Variants in CDH2 observed in about 807,000 individuals in gnomAD.
The protein encoded by CDH2 is cadherin 2.
In CDH2, 17 loss-of-function variants were observed where a neutral mutation model predicts 92.0. The ratio of observed to expected loss-of-function variants is 0.18; its 90% CI spans 0.13 to 0.28. CDH2 has a LOEUF of 0.28. Ranked by LOEUF, CDH2 falls within the 10% of genes least tolerant of loss-of-function variation. The probability of loss-of-function intolerance (pLI) is 1.00; values close to 1 mark genes in which losing one functional copy is unlikely to be tolerated. For missense variants in CDH2, 862 were observed against 1,133.1 expected (o/e 0.76, Z 3.44); for synonymous variants, 419 against 415.9 (o/e 1.01, Z -0.09).
intron 2 of CDH2, among the ~76,000 whole-genome samples, chr18:28,109,332 A>G (rs1402498426): frequency 3.3e-5 from 5 of 152,318 alleles, no homozygotes; most frequent in East Asian, 1.9e-4. Flanking sequence ...TTTGCAAAGA[A>G]GTGGCAAAAC....
At chr18:28,059,336 A>C (rs1165655401) in intron 2 of CDH2, among the ~76,000 whole-genome samples, 1 of 152,238 alleles carries the variant, frequency 6.6e-6, no homozygotes, top group Admixed American at 6.5e-5. Flanking sequence ...CTGACCAAAA[A>C]GGGGGAAATA....
intron 6 of CDH2, among the ~76,000 whole-genome samples, chr18:27,937,892 T>G (rs531713669): frequency 8.6e-5 from 13 of 151,820 alleles, no homozygotes; most frequent in Admixed American, 3.3e-4. Context: ...ACCAAAATAT[T>G]TTTTTAACTT....
chr18:27,957,548 G>A (rs1042795433), intron 15 of CDH2, among the ~76,000 whole-genome samples: 7 of 151,882 alleles, frequency 4.6e-5, no homozygotes, highest in South Asian at 2.1e-4. Context: ...TGCTGTGCCC[G>A]GCCTCATCTA....
At chr18:28,075,162 T>C (rs1293320040) in intron 2 of CDH2, among the ~76,000 whole-genome samples, 1 of 152,184 alleles carries the variant, frequency 6.6e-6, no homozygotes, top group Non-Finnish European at 1.5e-5. Context: ...AAGACACAAA[T>C]AGTTCTCTGA....
At chr18:27,978,157 T>G (rs1159407683) in intron 14 of CDH2, among the ~76,000 whole-genome samples, 1 of 152,196 alleles carries the variant, frequency 6.6e-6, no homozygotes, top group Non-Finnish European at 1.5e-5. Flanking sequence ...ATTTAGAAAG[T>G]GGAGTACTTG....
intron 2 of CDH2, among the ~76,000 whole-genome samples, chr18:28,137,431 G>C (rs2015881085): frequency 6.6e-6 from 1 of 152,094 alleles, no homozygotes; most frequent in African/African-American, 2.4e-5. Flanking sequence ...AAAAATAATA[G>C]ATCAAGCTGT....
chr18:28,091,824 C>T (rs958667699), intron 2 of CDH2, among the ~76,000 whole-genome samples: 9 of 152,108 alleles, frequency 5.9e-5, no homozygotes, highest in Admixed American at 5.2e-4. Flanking sequence ...CCCCACCCCA[C>T]CACCGCCATT....
intron 7 of CDH2, among the ~76,000 whole-genome samples, chr18:27,995,689 C>G (rs994233171): frequency 2.0e-5 from 3 of 152,122 alleles, no homozygotes; most frequent in African/African-American, 4.8e-5. Context: ...TTCCATTGAT[C>G]TGCAATATTG....
intron 2 of CDH2, among the ~76,000 whole-genome samples, chr18:28,102,759 A>G (rs908295605): frequency 3.9e-5 from 6 of 152,058 alleles, no homozygotes; most frequent in African/African-American, 1.4e-4. Flanking sequence ...GAAAGGTGGC[A>G]AGGGGTGGGC....
intron 14 of CDH2, among the ~76,000 whole-genome samples, chr18:27,966,705 A>AAT (rs2011541956): frequency 6.6e-6 from 1 of 152,342 alleles, no homozygotes; most frequent in South Asian, 2.1e-4. Flanking sequence ...TTCATAGATG[A>AAT]ATGTGTATAT....
At chr18:28,109,273 T>G (rs2015372336) in intron 2 of CDH2, among the ~76,000 whole-genome samples, 2 of 152,238 alleles carry the variant, frequency 1.3e-5, no homozygotes. Context: ...AAGCTTTTTC[T>G]GTTTAAAACA....
At chr18:28,079,010 G>C (rs1316316707) in intron 2 of CDH2, among the ~76,000 whole-genome samples, 1 of 152,118 alleles carries the variant, frequency 6.6e-6, no homozygotes, top group Admixed American at 6.6e-5. Context: ...TGGGCTGTTG[G>C]TTCCTTAAGT....
intron 1 of CDH2, among the ~76,000 whole-genome samples, chr18:28,175,021 T>A (rs1453851380): frequency 6.6e-6 from 1 of 152,214 alleles, no homozygotes; most frequent in Non-Finnish European, 1.5e-5. Flanking sequence ...CCATTTAACT[T>A]CAAATACTTT....
At chr18:27,972,395 T>C (rs974564540) in intron 14 of CDH2, among the ~76,000 whole-genome samples, 4 of 152,192 alleles carry the variant, frequency 2.6e-5, no homozygotes, top group Non-Finnish European at 5.9e-5. Context: ...ATCTATCATA[T>C]GACCTCTATC....
chr18:28,102,360 T>C (rs2015240801), intron 2 of CDH2, among the ~76,000 whole-genome samples: 1 of 151,966 alleles, frequency 6.6e-6, no homozygotes, highest in Non-Finnish European at 1.5e-5. Flanking sequence ...AGTGAGGGTA[T>C]TCTGACCCAT....
At chr18:28,141,731 A>G (rs534276849) in intron 2 of CDH2, among the ~76,000 whole-genome samples, 1 of 152,092 alleles carries the variant, frequency 6.6e-6, no homozygotes, top group South Asian at 2.1e-4. Context: ...CCTCTACTGA[A>G]AGCCTTCCAA....
intron 2 of CDH2, among the ~76,000 whole-genome samples, chr18:28,063,719 T>C (rs1208379204): frequency 1.3e-5 from 2 of 152,186 alleles, no homozygotes; most frequent in Non-Finnish European, 2.9e-5. Context: ...ACAAATTTTC[T>C]TGGTTAGGAC....
At chr18:27,997,693 T>A (rs1367387167) in intron 7 of CDH2, among the ~76,000 whole-genome samples, 1 of 152,070 alleles carries the variant, frequency 6.6e-6, no homozygotes, top group Non-Finnish European at 1.5e-5. Context: ...TCATCATAAA[T>A]CACGGGTTTC....
chr18:27,999,950 G>C (rs998608540), intron 7 of CDH2, among the ~76,000 whole-genome samples: 1 of 151,950 alleles, frequency 6.6e-6, no homozygotes, highest in African/African-American at 2.4e-5. Flanking sequence ...CATTTCCCCT[G>C]CTTGCACTCT....
Sources: gnomAD v4.1 joint callset for allele counts (sites outside exome capture counted in the v4.1 genomes callset) on GRCh38, gnomAD v4.1.1 for gene constraint, MANE v1.5 for transcripts, NCBI Gene and HGNC (gene_info 2026-07-23, HGNC 2026-07-21) for gene names.